NDST4: variants seen among roughly 807,000 people sequenced by gnomAD.
NDST4 encodes the protein N-heparan sulfate sulfotransferase 4.
Under a neutral mutation model 100.8 loss-of-function variants are expected in NDST4, and 63 were observed. The observed-to-expected ratio is 0.62, with a 90% CI of 0.51 to 0.77. NDST4 has a LOEUF of 0.77. Ranked by LOEUF, NDST4 falls within the 30% of genes least tolerant of loss-of-function variation. The probability of loss-of-function intolerance (pLI) is 0.00; values close to 1 mark genes in which losing one functional copy is unlikely to be tolerated. For synonymous variants in NDST4, 377 were observed against 361.8 expected (o/e 1.04, Z -0.48); for missense variants, 943 against 1,018.4 (o/e 0.93, Z 1.01).
intron 1 of NDST4, among the ~76,000 whole-genome samples, chr4:115,086,378 T>C (rs1032141316): frequency 6.6e-6 from 1 of 152,098 alleles, no homozygotes; most frequent in Non-Finnish European, 1.5e-5. Context: ...CAGTTTATAA[T>C]TTTCTGCAGA....
At chr4:114,967,189 T>C (rs1291794282) in intron 4 of NDST4, among the ~76,000 whole-genome samples, 1 of 152,108 alleles carries the variant, frequency 6.6e-6, no homozygotes, top group Non-Finnish European at 1.5e-5. Flanking sequence ...AAGGTGGGGT[T>C]CTGAATGTCA....
chr4:114,923,478 C>T (rs11939954), intron 6 of NDST4, among the ~76,000 whole-genome samples: 45,887 of 151,738 alleles, frequency 0.3, 9,202 homozygotes, highest in African/African-American at 0.56. Context: ...CATTTTGAAC[C>T]CTTCAGTAGA....
intron 4 of NDST4, among the ~76,000 whole-genome samples, chr4:114,956,533 C>G (rs1343895905): frequency 6.6e-6 from 1 of 152,232 alleles, no homozygotes; most frequent in East Asian, 1.9e-4. Context: ...CTCTTTGGGT[C>G]AGTAAAAGCC....
chr4:114,922,641 A>G (rs1354679522), intron 6 of NDST4, among the ~76,000 whole-genome samples: 1 of 152,114 alleles, frequency 6.6e-6, no homozygotes, highest in African/African-American at 2.4e-5. Context: ...CCCCTTGGTC[A>G]AATTCTTTCT....
intron 4 of NDST4, among the ~76,000 whole-genome samples, chr4:114,947,739 AT>A (rs1403640100): frequency 6.6e-6 from 1 of 150,412 alleles, no homozygotes; most frequent in African/African-American, 2.5e-5. Flanking sequence ...ATTTTCTATA[AT>A]TTTGTCTTAA....
At chr4:115,075,045 T>C (rs1018697778) in intron 2 of NDST4, among the ~76,000 whole-genome samples, 21 of 152,296 alleles carry the variant, frequency 1.4e-4, no homozygotes, top group African/African-American at 5.1e-4. Context: ...ATATTGGCTT[T>C]ATTTTTATTT....
chr4:115,090,854 A>C (rs1729505669), intron 1 of NDST4, among the ~76,000 whole-genome samples: 2 of 152,130 alleles, frequency 1.3e-5, no homozygotes, highest in Non-Finnish European at 2.9e-5. Context: ...TCAGTGACTC[A>C]ATGTTAAAAT....
intron 2 of NDST4, among the ~76,000 whole-genome samples, chr4:114,993,973 C>A (rs943974586): frequency 1.6e-4 from 25 of 151,960 alleles, no homozygotes; most frequent in African/African-American, 5.1e-4. Flanking sequence ...CATATTGAAT[C>A]CAGACATTTG....
chr4:114,870,104 G>T (rs919119617), intron 7 of NDST4, among the ~76,000 whole-genome samples: 2 of 152,064 alleles, frequency 1.3e-5, no homozygotes, highest in Non-Finnish European at 2.9e-5. Flanking sequence ...AAGAAAATGG[G>T]AGGCAACATT....
Position 115,064,267 on chromosome 4 carries a change from C to T in NDST4, c.978+11792G>A, listed in dbSNP as rs1310243786. On this transcript the variant is annotated intron_variant, in intron 2 of 13. Transcript: ENST00000264363. ...CCACTTGTTTCTAACAAAAAATAGA[C>T]ATCTTTGCAACTCCGTCCTCAAGAA... is the stretch of plus-strand genomic sequence containing the variant. 2.0e-5 allele frequency among the ~76,000 whole-genome samples: 3 copies of T among 152,102 alleles called. No homozygotes were observed. In the East Asian group the frequency reaches 5.8e-4, roughly 29 times the overall value.
At chr4:114,867,679 A>AAG (rs796428809) in intron 7 of NDST4, among the ~76,000 whole-genome samples, 3 of 143,522 alleles carry the variant, frequency 2.1e-5, no homozygotes, top group African/African-American at 5.7e-5. Context: ...AAAAAAAAAA[A>AAG]AAAGAAAGAA....
chr4:115,073,922 T>C lies in NDST4; in HGVS notation c.978+2137A>G, dbSNP rs1037337030. Among the ~76,000 whole-genome samples the C allele has an allele frequency of 3.9e-5, 6 of 152,032 alleles. No homozygotes were observed. In the East Asian group the frequency reaches 1.2e-3, roughly 29 times the overall value. On this transcript the variant is annotated intron_variant, in intron 2 of 13. Transcript: ENST00000264363. ...TGTTGTACATGAAAACTATATACTG[T>C]TTTTGTCAATTAAAAATTAAAAATA... is the stretch of plus-strand genomic sequence containing the variant.
chr4:115,023,349 A>G (rs1727902033), intron 2 of NDST4, among the ~76,000 whole-genome samples: 2 of 151,906 alleles, frequency 1.3e-5, no homozygotes, highest in Admixed American at 6.6e-5. Flanking sequence ...GCCAGCTATG[A>G]TGATGCATGC....
chr4:114,958,402 C>G (rs1390103499), intron 4 of NDST4, among the ~76,000 whole-genome samples: 4 of 148,832 alleles, frequency 2.7e-5, no homozygotes, highest in Non-Finnish European at 5.9e-5. Flanking sequence ...CTGAGACCCC[C>G]AGTCTCTTTC....
At chr4:115,039,917 G>C (rs749510735) in intron 2 of NDST4, among the ~76,000 whole-genome samples, 6 of 151,920 alleles carry the variant, frequency 3.9e-5, no homozygotes, top group Non-Finnish European at 8.8e-5. Context: ...ATTATCTCAT[G>C]ATAACCCCAA....
chr4:115,015,812 G>A (rs780740046), intron 2 of NDST4, among the ~76,000 whole-genome samples: 5 of 151,934 alleles, frequency 3.3e-5, no homozygotes, highest in Non-Finnish European at 7.4e-5. Flanking sequence ...TCCTACTTAC[G>A]AAGGCCTACC....
intron 6 of NDST4, among the ~76,000 whole-genome samples, chr4:114,876,319 T>C (rs10516605): frequency 0.078 from 11,947 of 152,280 alleles, 520 homozygotes; most frequent in African/African-American, 0.11. Context: ...TTATTGATTA[T>C]GCTTTTAGTT....
intron 2 of NDST4, among the ~76,000 whole-genome samples, chr4:115,033,011 T>C (rs943966766): frequency 6.6e-6 from 1 of 151,360 alleles, no homozygotes; most frequent in African/African-American, 2.4e-5. Context: ...ACCACTAATA[T>C]TTTATCTTTT....
At chr4:114,849,803 T>C (rs540621673) in intron 8 of NDST4, among the ~76,000 whole-genome samples, 6 of 152,342 alleles carry the variant, frequency 3.9e-5, no homozygotes, top group Admixed American at 6.5e-5. Context: ...GAGACAGAAC[T>C]GGTTAAGAAC....
Sources: allele counts gnomAD v4.1 joint callset (sites outside exome capture counted in the v4.1 genomes callset), GRCh38; gene constraint gnomAD v4.1.1; transcripts MANE v1.5; gene names NCBI Gene and HGNC (gene_info 2026-07-23, HGNC 2026-07-21).